ACBD6: variants seen among roughly 807,000 people sequenced by gnomAD.
ACBD6 encodes acyl-CoA binding domain containing 6.
Under a neutral mutation model 37.2 loss-of-function variants are expected in ACBD6, and 28 were observed. The observed-to-expected ratio is 0.75, with a 90% CI of 0.56 to 1.03. The LOEUF is 1.03. ACBD6 is among the 50% of genes least tolerant of loss of function. ACBD6 has a pLI of 0.00. For missense variants in ACBD6, 340 were observed against 337.4 expected, an observed-to-expected ratio of 1.01 and a Z score of -0.06; for synonymous variants, 113 against 126.8, an observed-to-expected ratio of 0.89 and a Z score of 0.73.
chr1:180,366,472 G>A (rs537590447), intron 6 of ACBD6, among the ~76,000 whole-genome samples: 1 of 152,162 alleles, frequency 6.6e-6, no homozygotes, highest in Non-Finnish European at 1.5e-5. Flanking sequence ...AATGTAGCCA[G>A]GGGACCATTA....
chr1:180,451,962 A>AG (rs1649724425), intron 3 of ACBD6, among the ~76,000 whole-genome samples: 1 of 152,206 alleles, frequency 6.6e-6, no homozygotes, highest in Non-Finnish European at 1.5e-5. Flanking sequence ...CTATACTTTC[A>AG]GGGGTCATTT....
chr1:180,326,898 C>G (rs1433912953), intron 6 of ACBD6, among the ~76,000 whole-genome samples: 1 of 152,140 alleles, frequency 6.6e-6, no homozygotes, highest in Non-Finnish European at 1.5e-5. Flanking sequence ...AGTGCCCTAT[C>G]CTACTGTGGC....
Position 180,288,309 on chromosome 1 carries a change from C to T in ACBD6, c.*54G>A, listed in dbSNP as rs1644066852. Reference sequence around the variant, plus strand: ...AAAGAAGTATTATTTTTGTAGTTTTCTTTCATAATGGAAGCCTTATGCTAT... The same window carrying T: ...AAAGAAGTATTATTTTTGTAGTTTTTTTTCATAATGGAAGCCTTATGCTAT... On this transcript the variant is annotated 3_prime_UTR_variant, in exon 8 of 8. Transcript: ENST00000367595. 4 of 1,610,956 alleles carry T rather than the reference C, an allele frequency of 2.5e-6. No individual in the cohort carries two copies.
chr1:180,414,464 C>T (rs1647993444), intron 4 of ACBD6, among the ~76,000 whole-genome samples: 1 of 152,180 alleles, frequency 6.6e-6, no homozygotes, highest in South Asian at 2.1e-4. Context: ...AAGTTATTTC[C>T]AGTCATAGCT....
At chr1:180,419,402 G>A (rs1648254531) in intron 4 of ACBD6, among the ~76,000 whole-genome samples, 1 of 152,140 alleles carries the variant, frequency 6.6e-6, no homozygotes, top group African/African-American at 2.4e-5. Flanking sequence ...ACAATTAAAT[G>A]ATGGCATGTT....
At chr1:180,492,121 A>G (rs1054839998) in intron 3 of ACBD6, 148 bp downstream of exon 3, 7 of 670,266 alleles carry the variant, frequency 1.0e-5, no homozygotes, top group East Asian at 2.9e-5. Flanking sequence ...CAATTATTTT[A>G]TTAGATAAAT....
intron 3 of ACBD6, among the ~76,000 whole-genome samples, chr1:180,478,239 C>T (rs1217806316): frequency 6.6e-6 from 1 of 151,716 alleles, no homozygotes; most frequent in East Asian, 1.9e-4. Context: ...TTAAGTACAG[C>T]TAAAAAATAA....
intron 6 of ACBD6, among the ~76,000 whole-genome samples, chr1:180,378,007 G>T (rs1425317282): frequency 6.6e-6 from 1 of 151,122 alleles, no homozygotes; most frequent in Non-Finnish European, 1.5e-5. Context: ...GGAGAAACAG[G>T]ATTTGCATAG....
At chr1:180,346,259 G>A (rs1652179717) in intron 6 of ACBD6, among the ~76,000 whole-genome samples, 2 of 152,324 alleles carry the variant, frequency 1.3e-5, no homozygotes, top group Non-Finnish European at 2.9e-5. Flanking sequence ...TTAGTAGAGT[G>A]TGAGCTCAGT....
At chr1:180,328,228 TAC>T (rs1437456373) in intron 6 of ACBD6, among the ~76,000 whole-genome samples, 1 of 151,770 alleles carries the variant, frequency 6.6e-6, no homozygotes, top group Non-Finnish European at 1.5e-5. Flanking sequence ...CATACATATA[TAC>T]ACACATATAT....
intron 6 of ACBD6, among the ~76,000 whole-genome samples, chr1:180,358,996 C>T (rs1451719250): frequency 6.6e-6 from 1 of 152,140 alleles, no homozygotes; most frequent in East Asian, 1.9e-4. Flanking sequence ...ACTTGATTTA[C>T]CTATCCTTTG....
intron 3 of ACBD6, among the ~76,000 whole-genome samples, chr1:180,461,571 T>C (rs1650149196): frequency 6.6e-6 from 1 of 152,166 alleles, no homozygotes; most frequent in Non-Finnish European, 1.5e-5. Context: ...GACCTCTCAA[T>C]GGAAACCCTG....
chr1:180,483,931 C>G (rs1557889643), intron 3 of ACBD6, among the ~76,000 whole-genome samples: 1 of 152,150 alleles, frequency 6.6e-6, no homozygotes. Flanking sequence ...CAGATACTAC[C>G]CGGGAATTAT....
chr1:180,350,355 C>G (rs16855850), intron 6 of ACBD6, among the ~76,000 whole-genome samples: 6,435 of 152,078 alleles, frequency 0.042, 431 homozygotes, highest in African/African-American at 0.14. Flanking sequence ...CTGATTTCTT[C>G]CCAGCATTTC....
rs571097424 is a variant in ACBD6 at position 180,274,759 on chromosome 1, G to C, written c.*828C>G. 13 of 686,528 alleles carry C rather than the reference G, an allele frequency of 1.9e-5. No individual in the cohort carries two copies. The African/African-American group carries it at 2.3e-4, about 12-fold the overall frequency. The allele number at this position is 686,528 out of a possible 1,614,324, so 42.5% of individuals were successfully genotyped here. A position where few individuals can be genotyped will look rare whatever the true frequency, so the allele number is the denominator to read the frequency against. On this transcript the variant is annotated 3_prime_UTR_variant, in exon 10 of 14. Coordinates refer to the ACBD6 transcript ENST00000642319. ...CCACACTAGGGCATTGTTTCCCTGG[G>C]GAAGCAGTGGGAGAGCAGACTCATC...
chr1:180,375,048 A>G (rs1260307737), intron 6 of ACBD6, among the ~76,000 whole-genome samples: 4 of 152,138 alleles, frequency 2.6e-5, no homozygotes, highest in African/African-American at 9.7e-5. Context: ...TATAAATTCA[A>G]TGCAATCCCA....
At chr1:180,470,764 A>G (rs1650534062) in intron 3 of ACBD6, among the ~76,000 whole-genome samples, 1 of 152,346 alleles carries the variant, frequency 6.6e-6, no homozygotes, top group South Asian at 2.1e-4. Context: ...CTACATCCAC[A>G]TTTCATCATA....
chr1:180,398,992 C>T (rs959913388), intron 5 of ACBD6, among the ~76,000 whole-genome samples: 1 of 152,130 alleles, frequency 6.6e-6, no homozygotes, highest in Non-Finnish European at 1.5e-5. Context: ...CTTCACATAC[C>T]TATTATTTCA....
At chr1:180,435,326 G>A (rs1187563816) in intron 3 of ACBD6, 7 of 444,728 alleles carry the variant, frequency 1.6e-5, no homozygotes, top group African/African-American at 6.1e-5. Flanking sequence ...TCAGCTCACT[G>A]CAAGCTCCGT....
Sources: gnomAD v4.1 joint callset for allele counts (sites outside exome capture counted in the v4.1 genomes callset) on GRCh38, gnomAD v4.1.1 for gene constraint, MANE v1.5 for transcripts, NCBI Gene and HGNC (gene_info 2026-07-23, HGNC 2026-07-21) for gene names.